ITGB5: variants seen among roughly 807,000 people sequenced by gnomAD.
ITGB5 encodes the protein integrin beta-5.
In ITGB5, 38 loss-of-function variants were observed where a neutral mutation model predicts 84.8. The ratio of observed to expected loss-of-function variants is 0.45; its 90% CI spans 0.35 to 0.59. ITGB5 has a LOEUF of 0.59. Ranked by LOEUF, ITGB5 falls within the 20% of genes least tolerant of loss-of-function variation. The probability of loss-of-function intolerance (pLI) is 0.01; values close to 1 mark genes in which losing one functional copy is unlikely to be tolerated. For missense variants in ITGB5, 905 were observed against 1,034.5 expected, an observed-to-expected ratio of 0.87 and a Z score of 1.72; for synonymous variants, 393 against 414.4, an observed-to-expected ratio of 0.95 and a Z score of 0.63.
At chr3:124,862,315 G>A (rs2065315797) in intron 2 of ITGB5, 1 of 152,170 alleles carries the variant, frequency 6.6e-6, no homozygotes, top group South Asian at 2.1e-4. Context: ...CACTGGTCTG[G>A]ACCAGCTTAC....
intron 13 of ITGB5, 139 bp downstream of exon 13, chr3:124,766,087 A>G: frequency 2.4e-6 from 2 of 845,016 alleles, no homozygotes; most frequent in South Asian, 3.9e-5. Flanking sequence ...GAAAAAGAAG[A>G]AATTGTATCC....
chr3:124,821,876 C>T (rs139062771), intron 5 of ITGB5, among the ~76,000 whole-genome samples: 1 of 135,716 alleles, frequency 7.4e-6, no homozygotes, highest in African/African-American at 2.8e-5. Flanking sequence ...CCAACAACAT[C>T]CCCTGGTTGG....
intron 5 of ITGB5, among the ~76,000 whole-genome samples, chr3:124,829,024 T>C (rs2076722): frequency 0.25 from 38,526 of 152,110 alleles, 4,966 homozygotes; most frequent in East Asian, 0.39. Flanking sequence ...CCCCATTCAG[T>C]ATCTGGTATG....
intron 2 of ITGB5, among the ~76,000 whole-genome samples, chr3:124,866,465 G>C (rs1350519955): frequency 6.6e-6 from 1 of 152,212 alleles, no homozygotes; most frequent in Non-Finnish European, 1.5e-5. Flanking sequence ...AAAAAGGTGA[G>C]GGTGATTGTT....
At chr3:124,864,096 CTTTTTTT>C (rs558311822) in intron 2 of ITGB5, among the ~76,000 whole-genome samples, 4 of 45,468 alleles carry the variant, frequency 8.8e-5, no homozygotes, top group South Asian at 2.8e-3. Context: ...ACCTATATTT[CTTTTTTT>C]TTTTTTTTTT....
intron 7 of ITGB5, 117 bp from the exon 8 acceptor site, chr3:124,817,827 T>A (rs1194569153): frequency 1.6e-6 from 1 of 614,806 alleles, no homozygotes; most frequent in Non-Finnish European, 2.8e-6. Context: ...TCCTGCCACC[T>A]TCTCCCACCA....
intron 11 of ITGB5, among the ~76,000 whole-genome samples, chr3:124,773,111 T>G (rs180960501): frequency 1.6e-3 from 236 of 152,222 alleles, no homozygotes; most frequent in African/African-American, 5.5e-3. Flanking sequence ...TTCACCATGT[T>G]GGCCAGGCTG....
intron 13 of ITGB5, among the ~76,000 whole-genome samples, 160 bp downstream of exon 13, chr3:124,766,059 CAAAAAAA>C (rs376914121): frequency 1.7e-4 from 18 of 104,488 alleles, no homozygotes; most frequent in East Asian, 2.8e-4. Context: ...CAGCCTGTGT[CAAAAAAA>C]AAAAAAAAAA....
chr3:124,834,377 C>T (rs1292272455), intron 5 of ITGB5, among the ~76,000 whole-genome samples: 1 of 147,764 alleles, frequency 6.8e-6, no homozygotes, highest in Non-Finnish European at 1.5e-5. Context: ...TGCTATGAAC[C>T]TAAAACTGCT....
At position 124,817,881 on chromosome 3, in the gene ITGB5, A is replaced by C. The variant is rs61761663; in HGVS notation, c.1039-171T>G. 1.6e-3 allele frequency among the ~76,000 whole-genome samples: 239 copies of C among 152,278 alleles called. 2 individuals carry two copies. Among genetic ancestry groups the C allele is most frequent in the African/African-American group, 5.7e-3 (235 of 41,556 alleles). On this transcript the variant is annotated intron_variant, in intron 7 of 14. Coordinates refer to ENST00000296181, the MANE Select transcript of ITGB5 (RefSeq NM_002213.5). ...ACAGGGAAAAGCAAGAAGAAATGGC[A>C]CAGAAGAAGAGTTGCTACAGTACGC...
intron 9 of ITGB5, among the ~76,000 whole-genome samples, chr3:124,807,583 A>AT (rs2064425767): frequency 6.6e-6 from 1 of 152,140 alleles, no homozygotes; most frequent in African/African-American, 2.4e-5. Flanking sequence ...CTCAACTTCC[A>AT]TATGATATTT....
intron 1 of ITGB5, among the ~76,000 whole-genome samples, chr3:124,880,826 G>C (rs1934531822): frequency 6.6e-6 from 1 of 151,894 alleles, no homozygotes; most frequent in African/African-American, 2.4e-5. Context: ...CTACTTGGAA[G>C]GCTGAGGCAT....
At chr3:124,798,750 T>C (rs1282344821) in intron 9 of ITGB5, among the ~76,000 whole-genome samples, 1 of 152,244 alleles carries the variant, frequency 6.6e-6, no homozygotes, top group African/African-American at 2.4e-5. Context: ...TTTGAGAACA[T>C]TATAAATATC....
chr3:124,890,200 C>CTTTTT (rs138123708), upstream of ITGB5, among the ~76,000 whole-genome samples: 2 of 93,192 alleles, frequency 2.1e-5, no homozygotes, highest in African/African-American at 4.5e-5. Context: ...ACTTATCTAG[C>CTTTTT]TTTTTTTTTT....
In ITGB5 at chr3:124,763,549, C is replaced by T. The variant is rs61761684; in HGVS notation, c.*74G>A. 7.7e-4 allele frequency: 686 copies of T among 894,630 alleles called. 7 individuals are homozygous for T. The African/African-American group carries it at 8.6e-3, about 11-fold the overall frequency. The allele number at this position is 894,630 out of a possible 1,614,324, so 55.4% of individuals were successfully genotyped here. On this transcript the variant is annotated 3_prime_UTR_variant, in exon 15 of 15. Coordinates refer to ENST00000296181, the MANE Select transcript of ITGB5 (RefSeq NM_002213.5). ...CCTACCTAGGGAGCTGTGATCAAGC[C>T]GAGCAGCCGTGCAAGGCGTTTCAGT... is the stretch of plus-strand genomic sequence containing the variant.
At chr3:124,824,105 T>C (rs1193352238) in intron 5 of ITGB5, among the ~76,000 whole-genome samples, 1 of 152,190 alleles carries the variant, frequency 6.6e-6, no homozygotes, top group African/African-American at 2.4e-5. Flanking sequence ...TTATATGAAA[T>C]TGTAAGCAAT....
intron 2 of ITGB5, among the ~76,000 whole-genome samples, chr3:124,864,171 G>A (rs996013600): frequency 4.3e-5 from 5 of 116,840 alleles, no homozygotes; most frequent in Admixed American, 1.3e-4. Flanking sequence ...GCAGTGACAC[G>A]ATCTCAGCTC....
At chr3:124,813,927 A>C (rs11927550) in intron 8 of ITGB5, among the ~76,000 whole-genome samples, 25,149 of 152,006 alleles carry the variant, frequency 0.17, 4,547 homozygotes, top group African/African-American at 0.45. Context: ...GCAACCAGCC[A>C]CCATCCTGAG....
chr3:124,809,826 T>A (rs1345926039), intron 8 of ITGB5, among the ~76,000 whole-genome samples: 1 of 152,140 alleles, frequency 6.6e-6, no homozygotes, highest in Non-Finnish European at 1.5e-5. Flanking sequence ...AAAGTAAAGT[T>A]TTTTTCTATT....
Sources: allele counts gnomAD v4.1 joint callset (sites outside exome capture counted in the v4.1 genomes callset), GRCh38; gene constraint gnomAD v4.1.1; transcripts MANE v1.5; gene names NCBI Gene and HGNC (gene_info 2026-07-23, HGNC 2026-07-21).